The following MAU2 variants were observed in gnomAD, a reference collection of about 807,000 sequenced individuals.
The protein encoded by MAU2 is MAU2 chromatid cohesion factor homolog.
Under a neutral mutation model 89.1 loss-of-function variants are expected in MAU2, and 9 were observed. The ratio of observed to expected loss-of-function variants is 0.10; its 90% CI spans 0.06 to 0.18. MAU2 has a LOEUF of 0.18. MAU2 is among the 10% of genes least tolerant of loss of function. MAU2 has a pLI of 1.00. For synonymous variants in MAU2, 357 were observed against 343.4 expected, an observed-to-expected ratio of 1.04 and a Z score of -0.44; for missense variants, 425 against 803.5, an observed-to-expected ratio of 0.53 and a Z score of 5.69.
intron 17 of MAU2, chr19:19,354,690 A>T: frequency 3.7e-6 from 2 of 541,530 alleles, no homozygotes; most frequent in East Asian, 3.1e-5. Flanking sequence ...GCGACTTGGT[A>T]TCTGGTAGAC....
intron 1 of MAU2, among the ~76,000 whole-genome samples, chr19:19,333,573 A>AG: frequency 6.6e-6 from 1 of 152,144 alleles, no homozygotes; most frequent in Non-Finnish European, 1.5e-5. Context: ...GCTTTGTAGA[A>AG]GGGGGTGTAG....
At chr19:19,334,696 G>A (rs1306206687) in intron 1 of MAU2, 1 of 718,954 alleles carries the variant, frequency 1.4e-6, no homozygotes, top group Non-Finnish European at 1.7e-6. Context: ...GTTGCCGCAT[G>A]AGTGGCAGAG....
Position 19,349,343 on chromosome 19 carries a change from T to C in MAU2, c.1455T>C (p.Thr485=). ...TTGTCAGGCGATTTCTGCGGGAAAC[T>C]CTGAAGATGTCCAATGCTGAGGACC... is the stretch of plus-strand genomic sequence containing the variant. ...YNEAKRFLRE[T]LKMSNAEDLN... is the part of the protein sequence containing the mutation. The change falls in exon 16 of 19, where the codon ACT becomes ACC. Residue 485 remains threonine (T), a synonymous_variant. Transcript: ENST00000262815. 6.2e-7 allele frequency: 1 copy of C among 1,614,174 alleles called. No individual in the cohort carries two copies. The highest frequency in any genetic ancestry group is 1.7e-5 in the Admixed American group (1 of 60,026).
rs116284304 is a variant in MAU2, at chr19:19,346,476, C to T, written c.1222-804C>T. ...TGATGGAGCCAGGATGCAACCCCAA[C>T]ACCCCTAACCCCAAACACACACGCC... On this transcript the variant is annotated intron_variant, in intron 12 of 18. Transcript: ENST00000262815. Among the ~76,000 whole-genome samples the T allele has an allele frequency of 1.8e-3, 281 of 152,292 alleles. 1 individual carries two copies. Among genetic ancestry groups the T allele is most frequent in the African/African-American group, 6.5e-3 (272 of 41,564 alleles).
At chr19:19,331,200 A>C (rs2061552197) in intron 1 of MAU2, among the ~76,000 whole-genome samples, 1 of 150,512 alleles carries the variant, frequency 6.6e-6, no homozygotes, top group South Asian at 2.1e-4. Flanking sequence ...TAGCATTACA[A>C]AGTTAAAAAA....
At chr19:19,337,059 C>G (rs547934766) in intron 3 of MAU2, 111 bp from the exon 4 acceptor site, 1 of 759,224 alleles carries the variant, frequency 1.3e-6, no homozygotes, top group Admixed American at 2.4e-5. Flanking sequence ...CTTTGGTAAG[C>G]ATGAACAGGA....
chr19:19,336,160 T>C lies in MAU2; in HGVS notation c.333T>C (p.Ser111=). Reference sequence around the variant, plus strand: ...AAGATGTTAAATTTGAAGCAGCAAGTCTGTTGTCTGAATTGTACTGTCAAG... The same window carrying C: ...AAGATGTTAAATTTGAAGCAGCAAGCCTGTTGTCTGAATTGTACTGTCAAG... ...QFEDVKFEAA[S]LLSELYCQEN... The change falls in exon 3 of 19, where the codon AGT becomes AGC. Residue 111 remains serine (S), a synonymous_variant. Transcript: ENST00000262815. 4 of 1,613,240 alleles carry C rather than the reference T, an allele frequency of 2.5e-6. No homozygotes were observed. The highest frequency in any genetic ancestry group is 3.4e-6 in the Non-Finnish European group (4 of 1,179,470).
rs1486810025 is a variant in MAU2 at position 19,345,061 on chromosome 19, G to A, written c.1155+135G>A. The A allele has an allele frequency of 2.4e-6, 2 of 847,218 alleles. No homozygotes were observed. The highest frequency in any genetic ancestry group is 3.8e-6 in the Non-Finnish European group (2 of 526,164). The allele number at this position is 847,218 out of a possible 1,614,324, so 52.5% of individuals were successfully genotyped here. On this transcript the variant is annotated intron_variant, in intron 11 of 18. Coordinates refer to ENST00000262815, the MANE Select transcript of MAU2 (RefSeq NM_015329.4). This position sits in a 1 kb window ranked among gnomAD's most constrained non-coding sequence, Gnocchi z 4.9. Reference sequence around the variant, plus strand: ...ATCAGAATCCGGAATGTTCCCATAGGTAATCATATAACCTTCCCAGGCACG... The same window carrying A: ...ATCAGAATCCGGAATGTTCCCATAGATAATCATATAACCTTCCCAGGCACG...
At position 19,348,912 on chromosome 19, in the gene MAU2, C is replaced by G. The variant is rs776812330; in HGVS notation, c.1332C>G (p.Ile444Met). The change falls in exon 14 of 19, where the codon ATC (isoleucine) becomes ATG (methionine). Residue 444 changes from isoleucine to methionine, a missense_variant. By Grantham distance (10) the Ile-to-Met change is conservative. This residue lies in a region of MAU2 where 66 missense variants were observed against 129.1 expected (regional missense o/e 0.51). Transcript: ENST00000262815. ...AGCTCTACAGTCTGCTGGAGAGGAT[C>G]AACCCGGACCACAGCTTCCCTGTCA... Reference protein sequence around the residue: ...QEVLYSLLERINPDHSFPVSS... With the variant: ...QEVLYSLLERMNPDHSFPVSS... 6.2e-7 allele frequency: 1 copy of G among 1,613,882 alleles called. No individual in the cohort carries two copies. Among genetic ancestry groups the G allele is most frequent in the South Asian group, 1.1e-5 (1 of 91,074 alleles).
intron 1 of MAU2, among the ~76,000 whole-genome samples, chr19:19,330,912 C>T (rs1269383666): frequency 6.6e-6 from 1 of 151,962 alleles, no homozygotes; most frequent in Non-Finnish European, 1.5e-5. Flanking sequence ...CAAAAAAAGC[C>T]TTTTTTTTAA....
At chr19:19,321,825 G>A (rs1318632468) in intron 1 of MAU2, 1 of 151,986 alleles carries the variant, frequency 6.6e-6, no homozygotes, top group East Asian at 1.9e-4. Flanking sequence ...TCAGTATTAG[G>A]GGAACTAAAA....
rs147714004 is a variant in MAU2, at chr19:19,333,744, A to G, written c.277-1974A>G. ...GGGAGGAGGGGGAATTCACGTGTTG[A>G]CTGGTCGCCTTGCTTACCTCTGCTG... On this transcript the variant is annotated intron_variant, in intron 1 of 18. Coordinates refer to ENST00000262815, the MANE Select transcript of MAU2 (RefSeq NM_015329.4). 2.5e-3 allele frequency among the ~76,000 whole-genome samples: 377 copies of G among 152,332 alleles called. 2 individuals carry two copies. The South Asian group carries it at 0.03, about 12-fold the overall frequency.
At chr19:19,322,192 G>T (rs1256180013) in intron 1 of MAU2, among the ~76,000 whole-genome samples, 1 of 152,080 alleles carries the variant, frequency 6.6e-6, no homozygotes, top group Non-Finnish European at 1.5e-5. Context: ...TAGAGATGGG[G>T]TTTCACCGTG....
Position 19,356,341 on chromosome 19 carries a change from C to G in MAU2, c.*559C>G. On this transcript the variant is annotated 3_prime_UTR_variant, in exon 19 of 19. Coordinates refer to ENST00000262815, the MANE Select transcript of MAU2 (RefSeq NM_015329.4). ...GCTTTCTCTCCAGCATCAGTCCCTG[C>G]AGCAGCTGGGGCCTCTGGTCAGGAA... is the stretch of plus-strand genomic sequence containing the variant. 3.1e-6 allele frequency: 1 copy of G among 324,000 alleles called. No homozygotes were observed. The highest frequency in any genetic ancestry group is 2.5e-5 in the South Asian group (1 of 40,726). 20.1% of individuals were successfully genotyped at this position (324,000 alleles called of 1,614,324 possible). A position where few individuals can be genotyped will look rare whatever the true frequency, so the allele number is the denominator to read the frequency against.
intron 16 of MAU2, chr19:19,354,080 T>C (rs962818950): frequency 4.0e-6 from 2 of 498,898 alleles, no homozygotes; most frequent in African/African-American, 3.9e-5. Flanking sequence ...TTTTCTCTGC[T>C]TGAACAGGTA....
rs768208261 is a variant in MAU2 at position 19,347,383 on chromosome 19, A to G, written c.1308+17A>G. 1.9e-6 allele frequency: 3 copies of G among 1,579,144 alleles called. No individual in the cohort carries two copies. The highest frequency in any genetic ancestry group is 1.3e-5 in the African/African-American group (1 of 74,198). Reference sequence around the variant, plus strand: ...CAAGAGGTAGTAGGTGACATGCTTCATGTTCGGTATCCTTTCTCTCTGTTC... The same window carrying G: ...CAAGAGGTAGTAGGTGACATGCTTCGTGTTCGGTATCCTTTCTCTCTGTTC... On this transcript the variant is annotated intron_variant, in intron 13 of 18. Coordinates refer to ENST00000262815, the MANE Select transcript of MAU2 (RefSeq NM_015329.4).
intron 1 of MAU2, among the ~76,000 whole-genome samples, chr19:19,328,916 TTGCTTTCTCTGTGTCAATGCCATGCG>T (rs1197308224): frequency 6.6e-6 from 1 of 152,148 alleles, no homozygotes; most frequent in African/African-American, 2.4e-5. Flanking sequence ...TATGCCATGC[TTGCTTTCTCTGTGTCAATGCCATGCG>T]TGCTTTCTCT....
At chr19:19,344,330 T>A (rs1339137653) in intron 10 of MAU2, 3 of 253,922 alleles carry the variant, frequency 1.2e-5, no homozygotes, top group Non-Finnish European at 2.3e-5. Context: ...GAGAATAGCC[T>A]GAACCCAGGA....
At chr19:19,331,221 C>T (rs1007637853) in intron 1 of MAU2, among the ~76,000 whole-genome samples, 9 of 151,906 alleles carry the variant, frequency 5.9e-5, no homozygotes, top group African/African-American at 1.7e-4. Context: ...AAAAAACACC[C>T]GGGCACGGTG....
Sources: gnomAD v4.1 joint callset for allele counts (sites outside exome capture counted in the v4.1 genomes callset) on GRCh38, gnomAD v4.1.1 for gene constraint, gnomAD v4.1.1 regional missense constraint, Gnocchi (gnomAD v3.1) non-coding constraint, MANE v1.5 for transcripts, NCBI Gene and HGNC (gene_info 2026-07-23, HGNC 2026-07-21) for gene names.